Variants in CCDC148 observed in about 807,000 individuals in gnomAD.
CCDC148 encodes coiled-coil domain-containing protein 148.
Under a neutral mutation model 85.7 loss-of-function variants are expected in CCDC148, and 89 were observed. The ratio of observed to expected loss-of-function variants is 1.04; its 90% confidence interval spans 0.87 to 1.24. The LOEUF is 1.24. Ranked by LOEUF, CCDC148 falls within the 50% of genes most tolerant of loss-of-function variation. The probability of loss-of-function intolerance (pLI) is 0.00; values close to 1 mark genes in which losing one functional copy is unlikely to be tolerated. For synonymous variants in CCDC148, 230 were observed against 213.9 expected (o/e 1.08, Z -0.66); for missense variants, 692 against 671.7 (o/e 1.03, Z -0.33).
At position 158,345,328 on chromosome 2, in the gene CCDC148, GAGGAACAAA is replaced by G. The variant is rs1169310172; in HGVS notation, c.148-19_148-11del. 2 of 1,597,770 alleles carry G rather than the reference GAGGAACAAA, an allele frequency of 1.3e-6. No homozygotes were observed. The highest frequency in any genetic ancestry group is 3.4e-5 in the Admixed American group (2 of 59,014). On this transcript the variant is annotated splice_polypyrimidine_tract_variant and intron_variant, in intron 2 of 13. Coordinates refer to ENST00000283233, the MANE Select transcript of CCDC148 (RefSeq NM_138803.4). Reference sequence around the variant, plus strand: ...ACATTGCTTTTCTGATCTAGATTTAGAGGAACAAAAGAGGAGCAACTTCAAAGTTTTCAG... The same window carrying G: ...ACATTGCTTTTCTGATCTAGATTTAGAGAGGAGCAACTTCAAAGTTTTCAG...
At chr2:158,189,108 G>A (rs553332258) in intron 11 of CCDC148, among the ~76,000 whole-genome samples, 1 of 151,976 alleles carries the variant, frequency 6.6e-6, no homozygotes, top group Admixed American at 6.6e-5. Flanking sequence ...TGTTGACAAG[G>A]TTGAAGAGAA....
At chr2:158,385,075 A>G (rs1559112473) in intron 1 of CCDC148, among the ~76,000 whole-genome samples, 1 of 152,138 alleles carries the variant, frequency 6.6e-6, no homozygotes, top group Non-Finnish European at 1.5e-5. Context: ...AGTTGTTTGC[A>G]TTCCTCATGT....
chr2:158,328,259 C>T (rs1171655532), intron 7 of CCDC148, among the ~76,000 whole-genome samples: 4 of 152,054 alleles, frequency 2.6e-5, no homozygotes, highest in African/African-American at 4.8e-5. Context: ...TGAGAACATG[C>T]TGTGTTTGTT....
intron 1 of CCDC148, among the ~76,000 whole-genome samples, chr2:158,403,673 T>G (rs1685883550): frequency 6.7e-6 from 1 of 149,146 alleles, no homozygotes; most frequent in African/African-American, 2.5e-5. Flanking sequence ...GCCAAGATTA[T>G]TGGTCCTGTC....
At chr2:158,283,312 C>T (rs1690433155) in intron 9 of CCDC148, among the ~76,000 whole-genome samples, 1 of 152,096 alleles carries the variant, frequency 6.6e-6, no homozygotes, top group East Asian at 1.9e-4. Context: ...TTCTGCACAG[C>T]AAAAGAAACT....
chr2:158,358,510 T>C lies in CCDC148; in HGVS notation c.86A>G (p.Tyr29Cys), dbSNP rs148209765. ...MRNIKYKPVDYQQLRALTEAK... is the reference protein window; with the variant it reads ...MRNIKYKPVDCQQLRALTEAK... ...TTCAGTTAATGCACGCAATTGTTGA[T>C]AGTCTACTGGTTTGTACTTGATGTT... is the stretch of plus-strand genomic sequence containing the variant. The change falls in exon 2 of 14, where the codon TAT becomes TGT. Residue 29 changes from tyrosine to cysteine, a missense_variant. Coordinates refer to ENST00000283233, the MANE Select transcript of CCDC148 (RefSeq NM_138803.4). 23 of 1,609,082 alleles carry C rather than the reference T, an allele frequency of 1.4e-5. No homozygotes were observed. Among genetic ancestry groups the C allele is most frequent in the African/African-American group, 6.7e-5 (5 of 74,698 alleles).
At chr2:158,327,097 T>C (rs906335801) in intron 7 of CCDC148, among the ~76,000 whole-genome samples, 9 of 152,146 alleles carry the variant, frequency 5.9e-5, no homozygotes, top group Non-Finnish European at 1.3e-4. Flanking sequence ...CTTTCACTAC[T>C]GCAATGAATA....
intron 9 of CCDC148, among the ~76,000 whole-genome samples, chr2:158,258,432 C>A (rs1652734725): frequency 6.6e-6 from 1 of 151,848 alleles, no homozygotes; most frequent in African/African-American, 2.4e-5. Flanking sequence ...GTTTTGAAAT[C>A]ATAAACCAGA....
At chr2:158,337,168 T>C (rs1010058317) in intron 7 of CCDC148, among the ~76,000 whole-genome samples, 2 of 152,144 alleles carry the variant, frequency 1.3e-5, no homozygotes, top group African/African-American at 4.8e-5. Context: ...AAGAAAGCCA[T>C]TTTAGACTGC....
chr2:158,246,456 T>C (rs1688573373), intron 10 of CCDC148, among the ~76,000 whole-genome samples: 1 of 152,104 alleles, frequency 6.6e-6, no homozygotes, highest in Non-Finnish European at 1.5e-5. Flanking sequence ...ATAGAAATGC[T>C]GGACAAACTA....
At chr2:158,189,960 T>C (rs1685341423) in intron 11 of CCDC148, among the ~76,000 whole-genome samples, 1 of 152,024 alleles carries the variant, frequency 6.6e-6, no homozygotes, top group Non-Finnish European at 1.5e-5. Flanking sequence ...AAGCATTCTA[T>C]TGAATATCCT....
intron 8 of CCDC148, among the ~76,000 whole-genome samples, chr2:158,310,614 C>G (rs1419209179): frequency 6.6e-6 from 1 of 150,714 alleles, no homozygotes; most frequent in South Asian, 2.1e-4. Context: ...ACGGGGCGGC[C>G]AGGTAGAGGC....
intron 1 of CCDC148, among the ~76,000 whole-genome samples, chr2:158,364,713 A>G (rs1410932785): frequency 1.3e-5 from 2 of 152,234 alleles, no homozygotes; most frequent in East Asian, 3.8e-4. Context: ...ACAGTCCTAG[A>G]AGAAAACCTA....
chr2:158,392,055 T>C (rs908142410), intron 1 of CCDC148, among the ~76,000 whole-genome samples: 1 of 152,148 alleles, frequency 6.6e-6, no homozygotes, highest in Non-Finnish European at 1.5e-5. Flanking sequence ...AGAAGGGTCA[T>C]AATTTCATTG....
At chr2:158,445,911 T>C (rs1163316422) in intron 1 of CCDC148, among the ~76,000 whole-genome samples, 2 of 152,164 alleles carry the variant, frequency 1.3e-5, no homozygotes, top group Non-Finnish European at 1.5e-5. Flanking sequence ...CTTGGTTTAA[T>C]GGTTGGTCAT....
At chr2:158,377,757 A>G (rs1390593629) in intron 1 of CCDC148, among the ~76,000 whole-genome samples, 1 of 152,016 alleles carries the variant, frequency 6.6e-6, no homozygotes, top group Non-Finnish European at 1.5e-5. Context: ...CCTTCATTAT[A>G]TTTATTATGG....
chr2:158,279,710 T>C (rs1459961196), intron 9 of CCDC148, among the ~76,000 whole-genome samples: 1 of 152,116 alleles, frequency 6.6e-6, no homozygotes, highest in East Asian at 1.9e-4. Flanking sequence ...CTGCAGGATA[T>C]TATCCAGGAG....
At chr2:158,423,151 C>T (rs1220486248) in intron 1 of CCDC148, among the ~76,000 whole-genome samples, 1 of 152,192 alleles carries the variant, frequency 6.6e-6, no homozygotes, top group Admixed American at 6.5e-5. Flanking sequence ...AATGGCCACA[C>T]TGCCCAAAGT....
At chr2:158,450,011 A>G (rs1467731051) in intron 1 of CCDC148, among the ~76,000 whole-genome samples, 2 of 125,464 alleles carry the variant, frequency 1.6e-5, no homozygotes, top group African/African-American at 5.9e-5. Context: ...TTTGTATTTT[A>G]AAAATTAACT....
Sources: gnomAD v4.1 joint callset for allele counts (sites outside exome capture counted in the v4.1 genomes callset) on GRCh38, gnomAD v4.1.1 for gene constraint, MANE v1.5 for transcripts, NCBI Gene and HGNC (gene_info 2026-07-23, HGNC 2026-07-21) for gene names.